Variants in SH3PXD2B observed in about 807,000 individuals in gnomAD.
The protein encoded by SH3PXD2B is SH3 and PX domain-containing protein 2B.
A neutral mutation model predicts 73.1 loss-of-function variants in SH3PXD2B; 37 were observed. The ratio of observed to expected loss-of-function variants is 0.51; its 90% confidence interval spans 0.39 to 0.67. The LOEUF is 0.67. SH3PXD2B is among the 30% of genes least tolerant of loss of function. SH3PXD2B has a pLI of 0.00. For missense variants in SH3PXD2B, 1,053 were observed against 1,197.8 expected (o/e 0.88, Z 1.78); for synonymous variants, 457 against 480.5 (o/e 0.95, Z 0.64).
chr5:172,353,869 G>C lies in SH3PXD2B; in HGVS notation c.785+19C>G, dbSNP rs375303917. ...GACCCCAAACCCACCCAGCAACCGT[G>C]GGGGGCAGCGGCTGGTACCTGATCT... is the stretch of plus-strand genomic sequence containing the variant. On this transcript the variant is annotated intron_variant, in intron 9 of 12. Coordinates refer to ENST00000311601, the MANE Select transcript of SH3PXD2B (RefSeq NM_001017995.3). This position sits in a 1 kb window ranked among gnomAD's most constrained non-coding sequence, Gnocchi z 4.3. The C allele has an allele frequency of 9.3e-5, 149 of 1,603,888 alleles. No homozygotes were observed. The highest frequency in any genetic ancestry group is 1.2e-4 in the Non-Finnish European group (146 of 1,171,606).
chr5:172,444,488 T>TG (rs2113512380), intron 1 of SH3PXD2B, among the ~76,000 whole-genome samples: 1 of 152,354 alleles, frequency 6.6e-6, no homozygotes, highest in South Asian at 2.1e-4. Context: ...ACATAAAGCA[T>TG]GAAAAGCCTT....
intron 1 of SH3PXD2B, among the ~76,000 whole-genome samples, chr5:172,427,943 A>C (rs1453129299): frequency 6.6e-6 from 1 of 151,730 alleles, no homozygotes; most frequent in Non-Finnish European, 1.5e-5. Flanking sequence ...TGCTCGGCTA[A>C]TTTTTTGTAT....
chr5:172,329,138 T>G (rs941108251), downstream of SH3PXD2B, among the ~76,000 whole-genome samples: 1 of 144,134 alleles, frequency 6.9e-6, no homozygotes, highest in African/African-American at 2.6e-5. Flanking sequence ...TGGAGTGCAG[T>G]GGTGCTATCT....
intron 1 of SH3PXD2B, among the ~76,000 whole-genome samples, chr5:172,452,105 G>T (rs1206294772): frequency 1.3e-5 from 2 of 152,154 alleles, no homozygotes; most frequent in East Asian, 1.9e-4. Flanking sequence ...GGGCATTTAG[G>T]AATGCCCTAA....
intron 11 of SH3PXD2B, 75 bp from the exon 12 acceptor site, chr5:172,346,336 G>A (rs1756998683): frequency 6.2e-7 from 1 of 1,606,070 alleles, no homozygotes; most frequent in Non-Finnish European, 8.5e-7. Context: ...GGAGTCTAAG[G>A]GCCTGGGGCA....
intron 10 of SH3PXD2B, among the ~76,000 whole-genome samples, chr5:172,349,852 T>A (rs988995849): frequency 6.6e-6 from 1 of 151,754 alleles, no homozygotes; most frequent in African/African-American, 2.4e-5. Flanking sequence ...CGCCTCCCCT[T>A]TTTTTTTCTT....
chr5:172,429,656 G>A (rs1412050577), intron 1 of SH3PXD2B, among the ~76,000 whole-genome samples: 1 of 152,120 alleles, frequency 6.6e-6, no homozygotes, highest in Non-Finnish European at 1.5e-5. Context: ...TGCTGAGCCA[G>A]GATCCTTTTG....
intron 8 of SH3PXD2B, among the ~76,000 whole-genome samples, chr5:172,358,078 T>C (rs1246403143): frequency 2.0e-5 from 3 of 152,212 alleles, no homozygotes; most frequent in Admixed American, 6.5e-5. Flanking sequence ...GGCTGAGGCT[T>C]AGAGAGGTTA....
At chr5:172,359,196 G>A (rs749139926) in intron 7 of SH3PXD2B, among the ~76,000 whole-genome samples, 2 of 151,876 alleles carry the variant, frequency 1.3e-5, no homozygotes, top group Non-Finnish European at 2.9e-5. Flanking sequence ...AGACCAGCTT[G>A]GACAACATGA....
At position 172,354,107 on chromosome 5, in the gene SH3PXD2B, CAG is replaced by C. The variant is rs1757220300; in HGVS notation, c.668-104_668-103del. On this transcript the variant is annotated intron_variant, in intron 8 of 12. Coordinates refer to ENST00000311601, the MANE Select transcript of SH3PXD2B (RefSeq NM_001017995.3). ...TGCCCGTCGGAGGGAGGATTTCCTTCAGAGATTTCTGGGCACCCCCCCTGGCC... is the reference window on the plus strand; with the variant it reads ...TGCCCGTCGGAGGGAGGATTTCCTTCAGATTTCTGGGCACCCCCCCTGGCC... 4 of 1,187,822 alleles carry C rather than the reference CAG, an allele frequency of 3.4e-6. No individual in the cohort carries two copies. The East Asian group carries it at 9.4e-5, about 28-fold the overall frequency. 73.6% of individuals were successfully genotyped at this position (1,187,822 alleles called of 1,614,324 possible). A position where few individuals can be genotyped will look rare whatever the true frequency, so the allele number is the denominator to read the frequency against.
At chr5:172,351,576 T>C (rs756605385) in intron 9 of SH3PXD2B, among the ~76,000 whole-genome samples, 1 of 152,140 alleles carries the variant, frequency 6.6e-6, no homozygotes, top group Non-Finnish European at 1.5e-5. Flanking sequence ...AAATTGACCA[T>C]GGTGGCAGTA....
rs543644156 is a variant in SH3PXD2B, at chr5:172,346,261, G to A, written c.1063C>T (p.Pro355Ser). 2.0e-5 allele frequency: 32 copies of A among 1,613,732 alleles called. No homozygotes were observed. In the South Asian group the frequency reaches 3.1e-4, roughly 16 times the overall value. ...GGCTTCGGCAGGTTGAGGCCTCGAG[G>A]CTGGTACGATCACACACAGGGTTAT... The part of the protein sequence containing the change: ...RPPPRRDMTI[P>S]RGLNLPKPPI... Residue 355 changes from proline to serine, a missense_variant and splice_region_variant, in exon 12 of 13, where the codon CCT (proline) becomes TCT (serine). Physicochemically the swap from Pro to Ser is moderately conservative, Grantham distance 74 (BLOSUM62 -1). Coordinates refer to ENST00000311601, the MANE Select transcript of SH3PXD2B (RefSeq NM_001017995.3).
At chr5:172,390,857 G>A (rs895252206) in intron 4 of SH3PXD2B, among the ~76,000 whole-genome samples, 2 of 141,808 alleles carry the variant, frequency 1.4e-5, no homozygotes, top group Non-Finnish European at 3.1e-5. Context: ...GTGTGTGTGT[G>A]TGTGACAGAG....
chr5:172,449,662 A>G (rs903430741), intron 1 of SH3PXD2B, among the ~76,000 whole-genome samples: 1 of 152,258 alleles, frequency 6.6e-6, no homozygotes, highest in Non-Finnish European at 1.5e-5. Context: ...ACTGGTGTGA[A>G]CAAGCACCAC....
chr5:172,435,603 T>C (rs907962432), intron 1 of SH3PXD2B, among the ~76,000 whole-genome samples: 5 of 152,130 alleles, frequency 3.3e-5, no homozygotes, highest in African/African-American at 4.8e-5. Flanking sequence ...ACAAATTTTT[T>C]TGTAGAGATG....
At chr5:172,439,051 C>T (rs1164195826) in intron 1 of SH3PXD2B, among the ~76,000 whole-genome samples, 4 of 151,224 alleles carry the variant, frequency 2.6e-5, no homozygotes, top group African/African-American at 9.7e-5. Context: ...CCAGCCTGAC[C>T]AATGTGGTGA....
intron 8 of SH3PXD2B, among the ~76,000 whole-genome samples, chr5:172,354,491 A>G (rs571677309): frequency 1.9e-4 from 29 of 152,306 alleles, no homozygotes; most frequent in African/African-American, 7.0e-4. Context: ...AGCACTGGGC[A>G]TGGTGCTTGG....
chr5:172,401,012 TG>T (rs1167427189), intron 3 of SH3PXD2B, among the ~76,000 whole-genome samples: 1 of 152,260 alleles, frequency 6.6e-6, no homozygotes, highest in East Asian at 1.9e-4. Flanking sequence ...CCACCACTGC[TG>T]GAATGGCGTT....
At chr5:172,368,698 AATATATATATATT>A (rs1757625379) in intron 6 of SH3PXD2B, among the ~76,000 whole-genome samples, 1 of 35,066 alleles carries the variant, frequency 2.9e-5, no homozygotes, top group Non-Finnish European at 4.2e-5. Flanking sequence ...ATATATATAA[AATATATATATATT>A]ATATATATAT....
Sources: gnomAD v4.1 joint callset for allele counts (sites outside exome capture counted in the v4.1 genomes callset) on GRCh38, gnomAD v4.1.1 for gene constraint, Gnocchi (gnomAD v3.1) non-coding constraint, MANE v1.5 for transcripts, NCBI Gene and HGNC (gene_info 2026-07-23, HGNC 2026-07-21) for gene names.